MCHR2: variants seen among roughly 807,000 people sequenced by gnomAD.
The protein encoded by MCHR2 is melanin-concentrating hormone receptor 2.
A neutral mutation model predicts 24.8 loss-of-function variants in MCHR2; 15 were observed. The observed-to-expected ratio is 0.60, with a 90% CI of 0.40 to 0.93. The LOEUF is 0.93. Ranked by LOEUF, MCHR2 falls within the 40% of genes least tolerant of loss-of-function variation. MCHR2 has a pLI of 0.00. For synonymous variants in MCHR2, 151 were observed against 147.6 expected, an observed-to-expected ratio of 1.02 and a Z score of -0.17; for missense variants, 386 against 408.7, an observed-to-expected ratio of 0.94 and a Z score of 0.48.
chr6:99,930,392 C>A (rs1774489297), intron 5 of MCHR2, among the ~76,000 whole-genome samples: 1 of 152,176 alleles, frequency 6.6e-6, no homozygotes, highest in Non-Finnish European at 1.5e-5. Flanking sequence ...GCCTCCCTCG[C>A]TAGATTGGGG....
intron 1 of MCHR2, among the ~76,000 whole-genome samples, chr6:99,972,410 C>A (rs532765194): frequency 5.7e-4 from 86 of 152,026 alleles, no homozygotes; most frequent in African/African-American, 2.0e-3. Context: ...TGATGATATC[C>A]CCTTTATCAT....
chr6:99,966,175 T>C (rs185915185), intron 1 of MCHR2, among the ~76,000 whole-genome samples: 215 of 152,268 alleles, frequency 1.4e-3, no homozygotes, highest in African/African-American at 4.6e-3. Context: ...TGTTAAATAA[T>C]ACTGTGTGTG....
chr6:99,968,939 T>C (rs1039582696), intron 1 of MCHR2, among the ~76,000 whole-genome samples: 2 of 152,094 alleles, frequency 1.3e-5, no homozygotes, highest in African/African-American at 4.8e-5. Flanking sequence ...AATGAAAATA[T>C]AGCATATAAA....
At chr6:99,958,833 A>T (rs904552621) in intron 1 of MCHR2, among the ~76,000 whole-genome samples, 15 of 152,166 alleles carry the variant, frequency 9.9e-5, no homozygotes, top group Non-Finnish European at 2.1e-4. Flanking sequence ...AGAAAACTGG[A>T]GCACATGTCC....
intron 1 of MCHR2, among the ~76,000 whole-genome samples, chr6:99,971,744 TA>T (rs1429754795): frequency 5.9e-5 from 9 of 152,230 alleles, no homozygotes; most frequent in African/African-American, 2.2e-4. Context: ...CACCAATACC[TA>T]ATTTATTGAG....
chr6:99,939,029 A>G (rs1396548504), intron 4 of MCHR2, among the ~76,000 whole-genome samples: 1 of 151,966 alleles, frequency 6.6e-6, no homozygotes, highest in Non-Finnish European at 1.5e-5. Flanking sequence ...CTCCAGTTGT[A>G]TGGAATGTGT....
intron 1 of MCHR2, among the ~76,000 whole-genome samples, chr6:99,975,081 C>T (rs561626811): frequency 1.3e-5 from 2 of 152,324 alleles, no homozygotes; most frequent in East Asian, 3.9e-4. Flanking sequence ...GCTGGGAGAA[C>T]CACTACTCTC....
At chr6:99,963,588 G>A (rs1021358770) in intron 1 of MCHR2, among the ~76,000 whole-genome samples, 4 of 152,046 alleles carry the variant, frequency 2.6e-5, no homozygotes, top group Non-Finnish European at 5.9e-5. Context: ...GCTGTAAAAT[G>A]TTGTGTTTAT....
intron 4 of MCHR2, among the ~76,000 whole-genome samples, chr6:99,937,585 A>G (rs759840770): frequency 1.3e-5 from 2 of 151,722 alleles, no homozygotes; most frequent in Non-Finnish European, 2.9e-5. Context: ...GATTTTTTTA[A>G]TGTGTTGTTG....
chr6:99,960,207 C>T lies in MCHR2; in HGVS notation c.-27-4033G>A, dbSNP rs913797917. On this transcript the variant is annotated intron_variant, in intron 1 of 5. Transcript: ENST00000281806. ...TAGTCAATGTGCTGAAAGAAAAAAA[C>T]TGTCAACCAAGAATACTATGTCCAG... is the stretch of plus-strand genomic sequence containing the variant. Among the ~76,000 whole-genome samples, 13 of 152,104 alleles carry T rather than the reference C, an allele frequency of 8.5e-5. 1 individual carries two copies. The East Asian group carries it at 2.3e-3, about 27-fold the overall frequency.
At chr6:99,969,316 A>C (rs1173391253) in intron 1 of MCHR2, among the ~76,000 whole-genome samples, 1 of 151,922 alleles carries the variant, frequency 6.6e-6, no homozygotes, top group African/African-American at 2.4e-5. Context: ...TCTACTAAAA[A>C]TACAAAAATT....
At chr6:99,921,906 TTAACA>T (rs1046675382) in intron 5 of MCHR2, among the ~76,000 whole-genome samples, 9 of 152,216 alleles carry the variant, frequency 5.9e-5, no homozygotes, top group Non-Finnish European at 1.3e-4. Flanking sequence ...TTTATTTCAC[TTAACA>T]TAATGACTTT....
chr6:99,920,892 A>C lies in MCHR2; in HGVS notation c.*48T>G, dbSNP rs199775434. 31 of 1,563,204 alleles carry C rather than the reference A, an allele frequency of 2.0e-5. No individual in the cohort carries two copies. In the Admixed American group the frequency reaches 5.4e-4, roughly 27 times the overall value. ...TACACCTGCCCTTTCTGATAATACC[A>C]GTAAGATAGACAATCATGTCTAGAC... On this transcript the variant is annotated 3_prime_UTR_variant, in exon 6 of 6. Coordinates refer to ENST00000281806, the MANE Select transcript of MCHR2 (RefSeq NM_001040179.2).
intron 5 of MCHR2, among the ~76,000 whole-genome samples, chr6:99,927,618 C>T (rs1216745656): frequency 2.6e-5 from 4 of 151,918 alleles, no homozygotes; most frequent in Non-Finnish European, 4.4e-5. Flanking sequence ...GGAGTTCACT[C>T]ATGATTTGGC....
intron 2 of MCHR2, among the ~76,000 whole-genome samples, chr6:99,953,981 C>A (rs17059973): frequency 6.6e-6 from 1 of 151,916 alleles, no homozygotes; most frequent in Admixed American, 6.6e-5. Context: ...GCTGATGAGA[C>A]GCCACCTGGG....
intron 2 of MCHR2, among the ~76,000 whole-genome samples, chr6:99,950,039 G>T (rs1012687759): frequency 1.3e-5 from 2 of 152,028 alleles, no homozygotes; most frequent in Non-Finnish European, 1.5e-5. Context: ...CATGGCCCTT[G>T]CTTTTCTCTA....
At chr6:99,979,724 A>C (rs1376966697) in intron 1 of MCHR2, among the ~76,000 whole-genome samples, 2 of 152,208 alleles carry the variant, frequency 1.3e-5, no homozygotes, top group African/African-American at 4.8e-5. Flanking sequence ...TGCCTGGGAA[A>C]GCTGACTATA....
At chr6:99,948,943 G>A (rs760803426) in intron 2 of MCHR2, among the ~76,000 whole-genome samples, 2 of 152,142 alleles carry the variant, frequency 1.3e-5, no homozygotes, top group Non-Finnish European at 2.9e-5. Flanking sequence ...CTGGTAGATG[G>A]CACTGAGAAT....
intron 1 of MCHR2, among the ~76,000 whole-genome samples, chr6:99,992,483 G>C (rs1294303104): frequency 6.6e-6 from 1 of 152,168 alleles, no homozygotes; most frequent in Non-Finnish European, 1.5e-5. Context: ...TTTTTGAGGA[G>C]AGCCAGGCTG....
Sources: gnomAD v4.1 joint callset for allele counts (sites outside exome capture counted in the v4.1 genomes callset) on GRCh38, gnomAD v4.1.1 for gene constraint, MANE v1.5 for transcripts, NCBI Gene and HGNC (gene_info 2026-07-23, HGNC 2026-07-21) for gene names.